ENTREP2: variants seen among roughly 807,000 people sequenced by gnomAD.
ENTREP2 encodes protein ENTREP2.
At chr15:29,359,950 C>T in the ENTREP2 span, among the ~76,000 whole-genome samples, 1 of 152,128 alleles carries the variant, frequency 6.6e-6, no homozygotes, top group Non-Finnish European at 1.5e-5. Flanking sequence ...AGATAAGGTT[C>T]ATGAATAATA....
the ENTREP2 span, among the ~76,000 whole-genome samples, chr15:29,260,906 C>G: frequency 6.6e-6 from 1 of 152,188 alleles, no homozygotes; most frequent in East Asian, 1.9e-4. Flanking sequence ...CAACAATTCT[C>G]CAGGAGGAGA....
chr15:29,655,681 TA>T, the ENTREP2 span, among the ~76,000 whole-genome samples: 27 of 151,644 alleles, frequency 1.8e-4, no homozygotes, highest in African/African-American at 6.3e-4. Context: ...AACTAAAAAA[TA>T]AAAACTATGA....
At chr15:29,296,926 G>A in the ENTREP2 span, among the ~76,000 whole-genome samples, 2 of 152,122 alleles carry the variant, frequency 1.3e-5, no homozygotes, top group Non-Finnish European at 1.5e-5. Context: ...CATATAGCCT[G>A]TGAACTAAGA....
At chr15:29,530,511 C>T in the ENTREP2 span, among the ~76,000 whole-genome samples, 3 of 152,170 alleles carry the variant, frequency 2.0e-5, no homozygotes, top group African/African-American at 7.2e-5. Context: ...ACTACCAGAT[C>T]GATCAAGCGA....
chr15:29,610,331 T>C, the ENTREP2 span: 4 of 150,534 alleles, frequency 2.7e-5, no homozygotes, highest in African/African-American at 9.7e-5. Flanking sequence ...TCATATGCCA[T>C]TTCTGAGAGT....
chr15:29,126,546 G>T, the ENTREP2 span: 1 of 1,454,672 alleles, frequency 6.9e-7, no homozygotes, highest in Non-Finnish European at 9.4e-7. Flanking sequence ...ACGCTGGCGT[G>T]GGACAGGCCT....
chr15:29,644,540 C>T, the ENTREP2 span, among the ~76,000 whole-genome samples: 680 of 152,282 alleles, frequency 4.5e-3, 10 homozygotes, highest in African/African-American at 0.016. Flanking sequence ...CGGTGGCCCA[C>T]GCCTGTAATC....
At chr15:29,229,559 T>C in the ENTREP2 span, among the ~76,000 whole-genome samples, 1 of 152,208 alleles carries the variant, frequency 6.6e-6, no homozygotes, top group East Asian at 1.9e-4. Flanking sequence ...GAAACTAAAA[T>C]GTCAAAGCAA....
At chr15:29,371,028 GTCATCA>G in the ENTREP2 span, among the ~76,000 whole-genome samples, 8 of 151,612 alleles carry the variant, frequency 5.3e-5, no homozygotes, top group East Asian at 1.9e-4. Context: ...TACTGTCGTT[GTCATCA>G]TCATCATCAT....
At chr15:29,298,201 C>T in the ENTREP2 span, among the ~76,000 whole-genome samples, 13 of 151,896 alleles carry the variant, frequency 8.6e-5, no homozygotes, top group Non-Finnish European at 1.6e-4. Context: ...ATAATTTGAA[C>T]GGAATGATAT....
the ENTREP2 span, among the ~76,000 whole-genome samples, chr15:29,471,476 G>C: frequency 6.6e-6 from 1 of 152,174 alleles, no homozygotes; most frequent in Non-Finnish European, 1.5e-5. Flanking sequence ...AGAAAACAGA[G>C]AGACCCCGGG....
chr15:29,182,934 A>T, the ENTREP2 span, among the ~76,000 whole-genome samples: 9 of 152,250 alleles, frequency 5.9e-5, no homozygotes, highest in Middle Eastern at 3.4e-3. Flanking sequence ...AAATAAATAC[A>T]ACTAGATCCG....
At chr15:29,353,933 C>A in the ENTREP2 span, among the ~76,000 whole-genome samples, 2 of 152,288 alleles carry the variant, frequency 1.3e-5, no homozygotes, top group African/African-American at 4.8e-5. Flanking sequence ...AGATCACCTT[C>A]TGTGATGCTT....
At chr15:29,647,965 T>C in the ENTREP2 span, among the ~76,000 whole-genome samples, 1 of 152,286 alleles carries the variant, frequency 6.6e-6, no homozygotes, top group Non-Finnish European at 1.5e-5. Context: ...TCCCAGTTTT[T>C]CCAGCGTAAC....
chr15:29,593,767 T>G, the ENTREP2 span, among the ~76,000 whole-genome samples: 64 of 152,328 alleles, frequency 4.2e-4, 1 homozygote, highest in South Asian at 0.011. Flanking sequence ...GGGCACAGAC[T>G]GATGGTTGCC....
the ENTREP2 span, among the ~76,000 whole-genome samples, chr15:29,155,195 T>C: frequency 6.6e-6 from 1 of 150,808 alleles, no homozygotes; most frequent in African/African-American, 2.4e-5. Flanking sequence ...GGCAGGAGAA[T>C]GGCGTGAACC....
At chr15:29,498,195 TAA>T in the ENTREP2 span, among the ~76,000 whole-genome samples, 1 of 152,166 alleles carries the variant, frequency 6.6e-6, no homozygotes, top group African/African-American at 2.4e-5. Flanking sequence ...CTATGATCGT[TAA>T]GTTTCTTGAG....
chr15:29,623,593 C>T, the ENTREP2 span, among the ~76,000 whole-genome samples: 2 of 152,056 alleles, frequency 1.3e-5, no homozygotes, highest in African/African-American at 2.4e-5. Flanking sequence ...GCCATCAGAA[C>T]AATACAGAAC....
the ENTREP2 span, among the ~76,000 whole-genome samples, chr15:29,237,814 T>C: frequency 9.2e-3 from 1,403 of 152,284 alleles, 23 homozygotes; most frequent in African/African-American, 0.032. Flanking sequence ...AGGTATTAGG[T>C]TGACGCAAAA....
Sources: allele counts gnomAD v4.1 joint callset (sites outside exome capture counted in the v4.1 genomes callset), GRCh38; gene constraint gnomAD v4.1.1; transcripts MANE v1.5; gene names NCBI Gene and HGNC (gene_info 2026-07-23, HGNC 2026-07-21).